SYNE2: variants seen among roughly 807,000 people sequenced by gnomAD.
The protein encoded by SYNE2 is nesprin-2.
SYNE2 carries 431 observed loss-of-function variants against 856.3 expected under a neutral mutation model. That is an observed-to-expected ratio of 0.50 (90% CI 0.47 to 0.55). The LOEUF (loss-of-function observed/expected upper bound fraction) is 0.55. Ranked by LOEUF, SYNE2 falls within the 20% of genes least tolerant of loss-of-function variation. SYNE2 has a pLI of 0.00. For missense variants in SYNE2, 8,129 were observed against 8,023.2 expected (o/e 1.01, Z -0.50); for synonymous variants, 2,923 against 2,872.3 (o/e 1.02, Z -0.56).
At chr14:63,881,008 C>T (rs977396364) in intron 1 of SYNE2, among the ~76,000 whole-genome samples, 10 of 152,044 alleles carry the variant, frequency 6.6e-5, no homozygotes, top group Admixed American at 6.6e-5. Flanking sequence ...CCACCACATC[C>T]GGCTAATTTT....
rs569342341 is a variant in SYNE2 at position 63,876,588 on chromosome 14, T to C, written c.-52+23445T>C. Among the ~76,000 whole-genome samples, 4 of 151,920 alleles carry C rather than the reference T, an allele frequency of 2.6e-5. No homozygotes were observed. In the South Asian group the frequency reaches 6.2e-4, roughly 24 times the overall value. On this transcript the variant is annotated intron_variant, in intron 1 of 115. Coordinates refer to ENST00000555002, the MANE Select transcript of SYNE2 (RefSeq NM_182914.3). ...CTGCAAGCTCCGCCTCCCAGGTTCA[T>C]GCCATTCTCCTGCCTCAGGCTCCCG...
intron 2 of SYNE2, among the ~76,000 whole-genome samples, chr14:63,910,533 A>G (rs1417931960): frequency 6.6e-6 from 1 of 152,212 alleles, no homozygotes; most frequent in African/African-American, 2.4e-5. Flanking sequence ...TCAGATGTAG[A>G]TGGAATCAAG....
rs1334187345 is a variant in SYNE2 at position 64,122,437 on chromosome 14, T to TATCTA, written c.13422+11_13422+15dup. The TATCTA allele has an allele frequency of 4.3e-6, 7 of 1,614,096 alleles. No individual in the cohort carries two copies. Among genetic ancestry groups the TATCTA allele is most frequent in the Non-Finnish European group, 5.9e-6 (7 of 1,180,046 alleles). On this transcript the variant is annotated intron_variant, in intron 70 of 115. Coordinates refer to ENST00000555002, the MANE Select transcript of SYNE2 (RefSeq NM_182914.3). ...GCTTGTGGAGCCTCAGGTCAGTCTGTATCTACATGGTGCAAATAGCCTGTT... is the reference window on the plus strand; with the variant it reads ...GCTTGTGGAGCCTCAGGTCAGTCTGTATCTAATCTACATGGTGCAAATAGCCTGTT...
At chr14:63,884,346 G>T (rs2094933143) in intron 1 of SYNE2, among the ~76,000 whole-genome samples, 1 of 152,194 alleles carries the variant, frequency 6.6e-6, no homozygotes, top group Non-Finnish European at 1.5e-5. Flanking sequence ...TACTCGTTGA[G>T]AGTGCTTAAT....
intron 1 of SYNE2, among the ~76,000 whole-genome samples, chr14:63,815,205 C>CATATATATATGGATAATAT (rs1316734811): frequency 2.1e-5 from 2 of 94,612 alleles, no homozygotes; most frequent in Non-Finnish European, 4.3e-5. Context: ...TATATATATC[C>CATATATATATGGATAATAT]ATATATATAT....
chr14:63,989,342 T>C (rs1354257498), intron 19 of SYNE2, among the ~76,000 whole-genome samples: 3 of 152,178 alleles, frequency 2.0e-5, no homozygotes, highest in East Asian at 1.9e-4. Context: ...TTTATTTTAT[T>C]TTATTATTTT....
At chr14:64,170,108 T>C (rs1453885503) in intron 93 of SYNE2, 120 bp from the exon 94 acceptor site, 11 of 933,256 alleles carry the variant, frequency 1.2e-5, no homozygotes, top group African/African-American at 4.9e-5. Flanking sequence ...GTTTAGAAGT[T>C]GGGATTTTTT....
At chr14:63,972,659 C>T (rs780561072) in intron 11 of SYNE2, among the ~76,000 whole-genome samples, 2 of 152,168 alleles carry the variant, frequency 1.3e-5, no homozygotes, top group Non-Finnish European at 2.9e-5. Flanking sequence ...AAAGTAATTA[C>T]TGCAGAAGGG....
chr14:64,007,285 C>G (rs1042395383), intron 31 of SYNE2, 63 bp downstream of exon 31: 44 of 1,519,038 alleles, frequency 2.9e-5, no homozygotes, highest in Non-Finnish European at 3.9e-5. Flanking sequence ...TTAACTTTTT[C>G]AAACTTCTGG....
In SYNE2 at chr14:63,990,617, A is replaced by G. The variant is rs368199665; in HGVS notation, c.2472+48A>G. On this transcript the variant is annotated intron_variant, in intron 20 of 115. Coordinates refer to ENST00000555002, the MANE Select transcript of SYNE2 (RefSeq NM_182914.3). The stretch of plus-strand genomic sequence containing the variant: ...TTAGTAATTCTGTTCTCTAAAACTG[A>G]GGGGTCACTGAGTGGGCAGTGAAGG... 6 of 1,569,768 alleles carry G rather than the reference A, an allele frequency of 3.8e-6. No homozygotes were observed. The African/African-American group carries it at 8.1e-5, about 21-fold the overall frequency.
At chr14:63,787,469 C>G (rs1418185151) in intron 1 of SYNE2, among the ~76,000 whole-genome samples, 3 of 152,160 alleles carry the variant, frequency 2.0e-5, no homozygotes, top group Non-Finnish European at 2.9e-5. Context: ...CCTCTGTGGC[C>G]GGTGATGCCT....
Position 63,949,983 on chromosome 14 carries a change from G to A in SYNE2, c.567G>A (p.Leu189=). ...WQMSARKALL[L]WAQEQCATYE... ...TGTCTGCAAGAAAGGCCCTTCTTTT[G>A]TGGGCTCAGGAACAATGCGCCACGT... Residue 189 remains leucine (L), a synonymous_variant, in exon 7 of 116, where the codon TTG becomes TTA. Transcript: ENST00000555002. The A allele has an allele frequency of 6.2e-7, 1 of 1,614,108 alleles. No individual in the cohort carries two copies. The highest frequency in any genetic ancestry group is 2.2e-5 in the East Asian group (1 of 44,876).
In SYNE2 at chr14:64,216,368, C is replaced by A; in HGVS notation, c.19523C>A (p.Thr6508Asn). ...CCACCTGTTCCCCCTGCGTCCAGCA[C>A]CCCTTATAAACCACCCTATGTAAGT... Reference protein sequence around the residue: ...NVPPVPPASSTPYKPPYGKLL... With the variant: ...NVPPVPPASSNPYKPPYGKLL... The change falls in exon 108 of 116, where the codon ACC becomes AAC. Residue 6508 changes from threonine to asparagine, a missense_variant. Around this residue, in one of 3 missense-constraint regions of SYNE2, gnomAD observed 5,410 missense variants for 5,284.8 expected, o/e 1.02. Transcript: ENST00000555002. 4 of 1,614,232 alleles carry A rather than the reference C, an allele frequency of 2.5e-6. No individual in the cohort carries two copies. Among genetic ancestry groups the A allele is most frequent in the Non-Finnish European group, 3.4e-6 (4 of 1,180,056 alleles).
At chr14:64,137,440 G>A (rs983056154) in intron 78 of SYNE2, among the ~76,000 whole-genome samples, 1 of 152,086 alleles carries the variant, frequency 6.6e-6, no homozygotes, top group African/African-American at 2.4e-5. Context: ...TAGTAGAGAG[G>A]AGGTTTCACC....
chr14:64,224,354 AAACAAAAC>A lies in SYNE2; in HGVS notation c.20383-104_20383-97del. Reference sequence around the variant, plus strand: ...TGACACAGTGAGACTGTCTAAAACAAAACAAAACAAAAAAAGATTGATTTAAGGTAGGG... The same window carrying A: ...TGACACAGTGAGACTGTCTAAAACAAAAAAAAAGATTGATTTAAGGTAGGG... On this transcript the variant is annotated intron_variant, in intron 113 of 115. Transcript: ENST00000555002. 7.2e-6 allele frequency: 8 copies of A among 1,112,292 alleles called. 1 individual carries two copies. The South Asian group carries it at 9.9e-5, about 14-fold the overall frequency. 68.9% of individuals were successfully genotyped at this position (1,112,292 alleles called of 1,614,324 possible). A position where few individuals can be genotyped will look rare whatever the true frequency, so the allele number is the denominator to read the frequency against.
intron 63 of SYNE2, chr14:64,099,829 A>G (rs1292448687): frequency 6.6e-6 from 1 of 151,990 alleles, no homozygotes; most frequent in Non-Finnish European, 1.5e-5. Context: ...TACATGTGCC[A>G]TGCTGGTGCA....
chr14:64,117,257 A>G (rs963380285), intron 66 of SYNE2, among the ~76,000 whole-genome samples: 1 of 152,200 alleles, frequency 6.6e-6, no homozygotes, highest in Admixed American at 6.5e-5. Flanking sequence ...GAGATATCTT[A>G]GAGAGAGGAC....
At chr14:63,817,521 C>G (rs887024976) in intron 1 of SYNE2, among the ~76,000 whole-genome samples, 1 of 151,998 alleles carries the variant, frequency 6.6e-6, no homozygotes, top group Non-Finnish European at 1.5e-5. Flanking sequence ...CGTAGGTCAT[C>G]ATTCTCCACC....
chr14:63,942,005 G>A, intron 5 of SYNE2, 43 bp downstream of exon 5: 2 of 1,598,416 alleles, frequency 1.3e-6, no homozygotes, highest in Non-Finnish European at 1.7e-6. Flanking sequence ...AGAGATTAAT[G>A]CTCTGGGATA....
Sources: allele counts gnomAD v4.1 joint callset (sites outside exome capture counted in the v4.1 genomes callset), GRCh38; gene constraint gnomAD v4.1.1; regional missense constraint gnomAD v4.1.1; transcripts MANE v1.5; gene names NCBI Gene and HGNC (gene_info 2026-07-23, HGNC 2026-07-21).